Variants in ABCC4 observed in about 807,000 individuals in gnomAD.
The protein encoded by ABCC4 is ATP-binding cassette sub-family C member 4.
In ABCC4, 102 loss-of-function variants were observed where a neutral mutation model predicts 168.5. That is an observed-to-expected ratio of 0.61 (90% CI 0.52 to 0.71). The LOEUF is 0.71. Ranked by LOEUF, ABCC4 falls within the 30% of genes least tolerant of loss-of-function variation. ABCC4 has a pLI of 0.00. For missense variants in ABCC4, 1,402 were observed against 1,605.8 expected, an observed-to-expected ratio of 0.87 and a Z score of 2.17; for synonymous variants, 617 against 590.7, an observed-to-expected ratio of 1.04 and a Z score of -0.65.
intron 21 of ABCC4, among the ~76,000 whole-genome samples, chr13:95,079,178 C>T (rs1322414532): frequency 1.3e-5 from 2 of 152,274 alleles, no homozygotes; most frequent in South Asian, 2.1e-4. Context: ...CGAGGGAGAG[C>T]GTATGTCAAG....
chr13:95,166,212 C>T lies in ABCC4; in HGVS notation c.1980G>A (p.Trp660Ter), dbSNP rs1317110400. The stretch of plus-strand genomic sequence containing the variant: ...AGGAGGGTCTAGAAGATTGTTGAGA[C>T]CAAACCGAAGACTCTGAGAAGGTAC... ...RNRTFSESSV[W>*]SQQSSRPSLK... Residue 660 changes from tryptophan (W) to a stop codon, truncating the protein, a stop_gained, in exon 15 of 31, where the codon TGG (tryptophan) becomes TGA (stop). Coordinates refer to ENST00000645237, the MANE Select transcript of ABCC4 (RefSeq NM_005845.5). LOFTEE classifies it high-confidence loss of function. The T allele has an allele frequency of 6.2e-7, 1 of 1,614,114 alleles. No individual in the cohort carries two copies. The highest frequency in any genetic ancestry group is 1.7e-5 in the Admixed American group (1 of 60,016).
At chr13:95,129,252 TG>T (rs2035881645) in intron 19 of ABCC4, among the ~76,000 whole-genome samples, 1 of 152,246 alleles carries the variant, frequency 6.6e-6, no homozygotes, top group Non-Finnish European at 1.5e-5. Context: ...TTATTTTACA[TG>T]TTCATTGAAA....
chr13:95,163,275 T>A (rs2037158403), intron 17 of ABCC4, 59 bp from the exon 18 acceptor site: 1 of 1,227,160 alleles, frequency 8.1e-7, no homozygotes. Context: ...ATAAATACAT[T>A]TTTTTAAAAA....
intron 11 of ABCC4, among the ~76,000 whole-genome samples, chr13:95,181,236 C>T (rs2037877987): frequency 6.6e-6 from 1 of 152,196 alleles, no homozygotes; most frequent in Admixed American, 6.5e-5. Flanking sequence ...GCACATCAAC[C>T]ATGGTGACAC....
At chr13:95,210,458 A>C (rs1455445749) in intron 5 of ABCC4, among the ~76,000 whole-genome samples, 2 of 151,360 alleles carry the variant, frequency 1.3e-5, no homozygotes, top group East Asian at 1.9e-4. Context: ...ATGAAAATTC[A>C]AAAAAAAAGA....
intron 30 of ABCC4, among the ~76,000 whole-genome samples, chr13:95,027,878 T>C (rs4584690): frequency 0.85 from 129,804 of 152,228 alleles, 55,436 homozygotes; most frequent in East Asian, 0.99. Context: ...AAATCATCTA[T>C]TAAAAACAAA....
chr13:95,168,375 C>A (rs2037354508), intron 14 of ABCC4, among the ~76,000 whole-genome samples: 2 of 152,130 alleles, frequency 1.3e-5, no homozygotes, highest in Non-Finnish European at 2.9e-5. Context: ...GCAGTTCTGC[C>A]TTCGATAATC....
chr13:95,247,058 C>T lies in ABCC4; in HGVS notation c.223G>A (p.Ala75Thr), dbSNP rs942624721. 8 of 1,613,280 alleles carry T rather than the reference C, an allele frequency of 5.0e-6. No individual in the cohort carries two copies. Among genetic ancestry groups the T allele is most frequent in the South Asian group, 2.2e-5 (2 of 91,040 alleles). The change falls in exon 3 of 31, where the codon GCA (alanine) becomes ACA (threonine). Residue 75 changes from alanine (A) to threonine (T), a missense_variant. Physicochemically the swap from Ala to Thr is moderately conservative, Grantham distance 58. Around this residue, in one of 3 missense-constraint regions of ABCC4, gnomAD observed 317 missense variants for 345.5 expected, o/e 0.92. Coordinates refer to ENST00000645237, the MANE Select transcript of ABCC4 (RefSeq NM_005845.5). ...DKEVLRAEND[A>T]QKPSLTRAII... Reference sequence around the variant, plus strand: ...GCTCTTGTTAAAGAAGGCTTCTGTGCGTCATTCTCAGCTCTTAAAACTTCT... The same window carrying T: ...GCTCTTGTTAAAGAAGGCTTCTGTGTGTCATTCTCAGCTCTTAAAACTTCT...
At chr13:95,298,604 G>T (rs1539068) in intron 1 of ABCC4, among the ~76,000 whole-genome samples, 18,385 of 152,166 alleles carry the variant, frequency 0.12, 1,305 homozygotes, top group Middle Eastern at 0.18. Flanking sequence ...TGTTACACAT[G>T]CATCATCTCC....
At chr13:95,185,432 A>G (rs1203138856) in intron 11 of ABCC4, among the ~76,000 whole-genome samples, 1 of 152,232 alleles carries the variant, frequency 6.6e-6, no homozygotes, top group Non-Finnish European at 1.5e-5. Flanking sequence ...ACAGCCCATT[A>G]AACAAGCAAT....
chr13:95,161,465 A>G, intron 18 of ABCC4, 130 bp from the exon 19 acceptor site: 1 of 637,838 alleles, frequency 1.6e-6, no homozygotes, highest in Non-Finnish European at 2.4e-6. Context: ...GATTCTACAT[A>G]AGTATAATGT....
intron 30 of ABCC4, among the ~76,000 whole-genome samples, chr13:95,026,186 C>G (rs1024455715): frequency 3.3e-5 from 5 of 151,972 alleles, no homozygotes; most frequent in African/African-American, 1.2e-4. Flanking sequence ...GTGCAGTGAG[C>G]CAAGAGCACG....
intron 1 of ABCC4, among the ~76,000 whole-genome samples, chr13:95,265,825 T>C (rs921099051): frequency 1.3e-5 from 2 of 152,162 alleles, no homozygotes; most frequent in East Asian, 3.8e-4. Flanking sequence ...ATTGAAAATA[T>C]GTCTTAGCAT....
At chr13:95,036,453 C>T (rs997691860) in intron 29 of ABCC4, among the ~76,000 whole-genome samples, 5 of 151,312 alleles carry the variant, frequency 3.3e-5, no homozygotes, top group Non-Finnish European at 7.4e-5. Context: ...TGTCTGAAAA[C>T]ACATGAATGC....
At chr13:95,043,585 C>T in intron 29 of ABCC4, 97 bp downstream of exon 29, 1 of 1,009,340 alleles carries the variant, frequency 9.9e-7, no homozygotes, top group Non-Finnish European at 1.5e-6. Flanking sequence ...AGAAAATTAA[C>T]TTACTAGGGG....
intron 9 of ABCC4, among the ~76,000 whole-genome samples, chr13:95,191,985 C>A (rs2038267574): frequency 6.6e-6 from 1 of 152,216 alleles, no homozygotes; most frequent in African/African-American, 2.4e-5. Context: ...CCTCTGGGAC[C>A]TCCCCAGGCT....
At chr13:95,065,922 G>A (rs1416356299) in intron 25 of ABCC4, among the ~76,000 whole-genome samples, 4 of 152,174 alleles carry the variant, frequency 2.6e-5, no homozygotes, top group East Asian at 1.9e-4. Flanking sequence ...GGCCTTCAGC[G>A]TCTTCCCCGT....
At chr13:95,118,016 A>G (rs1003283892) in intron 19 of ABCC4, among the ~76,000 whole-genome samples, 1 of 152,194 alleles carries the variant, frequency 6.6e-6, no homozygotes, top group African/African-American at 2.4e-5. Flanking sequence ...TTAAAATCTG[A>G]AAGACCCATG....
intron 19 of ABCC4, among the ~76,000 whole-genome samples, chr13:95,142,144 A>G (rs1181569085): frequency 6.6e-6 from 1 of 152,238 alleles, no homozygotes. Flanking sequence ...GCCTGTTTAT[A>G]GCAGCACAAT....
Sources: gnomAD v4.1 joint callset for allele counts (sites outside exome capture counted in the v4.1 genomes callset) on GRCh38, gnomAD v4.1.1 for gene constraint, gnomAD v4.1.1 regional missense constraint, MANE v1.5 for transcripts, NCBI Gene and HGNC (gene_info 2026-07-23, HGNC 2026-07-21) for gene names.